SCAPER: variants seen among roughly 807,000 people sequenced by gnomAD.
The protein encoded by SCAPER is S-phase cyclin A associated protein in the ER, also known as S phase cyclin A-associated protein in the endoplasmic reticulum.
SCAPER carries 98 observed loss-of-function variants against 182.2 expected under a neutral mutation model. That is an observed-to-expected ratio of 0.54 (90% CI 0.46 to 0.64). The LOEUF (loss-of-function observed/expected upper bound fraction) is 0.64. Among genes scored for constraint, SCAPER ranks in the 30% least tolerant of loss-of-function variants. SCAPER has a pLI of 0.00. For synonymous variants in SCAPER, 605 were observed against 564.6 expected (o/e 1.07, Z -1.01); for missense variants, 1,432 against 1,690.0 (o/e 0.85, Z 2.68).
intron 23 of SCAPER, among the ~76,000 whole-genome samples, chr15:76,568,063 A>T (rs906924835): frequency 1.1e-4 from 16 of 151,908 alleles, no homozygotes; most frequent in African/African-American, 3.6e-4. Context: ...AACATTTTTT[A>T]AAAAACAAGG....
At chr15:76,755,024 T>C (rs1453674970) in intron 14 of SCAPER, among the ~76,000 whole-genome samples, 1 of 152,144 alleles carries the variant, frequency 6.6e-6, no homozygotes, top group Non-Finnish European at 1.5e-5. Context: ...GATACCTACA[T>C]TGATGAGAAA....
chr15:76,563,544 A>G (rs1245389399), intron 23 of SCAPER, among the ~76,000 whole-genome samples: 1 of 152,170 alleles, frequency 6.6e-6, no homozygotes, highest in African/African-American at 2.4e-5. Context: ...ATCAACCAAA[A>G]AAAGCCCAGG....
chr15:76,892,694 G>A (rs1006998756), intron 1 of SCAPER, among the ~76,000 whole-genome samples: 2 of 152,222 alleles, frequency 1.3e-5, no homozygotes, highest in African/African-American at 4.8e-5. Flanking sequence ...AGGATGTGGA[G>A]AAATAGGAAT....
intron 8 of SCAPER, among the ~76,000 whole-genome samples, chr15:76,783,265 A>C (rs1283485090): frequency 6.6e-6 from 1 of 152,214 alleles, no homozygotes; most frequent in Non-Finnish European, 1.5e-5. Context: ...CTCTACACAA[A>C]TAAACTAGAA....
intron 26 of SCAPER, among the ~76,000 whole-genome samples, chr15:76,421,427 G>A (rs1245608640): frequency 2.0e-5 from 3 of 152,124 alleles, no homozygotes; most frequent in Non-Finnish European, 4.4e-5. Context: ...TTCTTTTGAG[G>A]AGTGTCTGTT....
At chr15:76,685,559 C>T (rs992823150) in intron 20 of SCAPER, among the ~76,000 whole-genome samples, 5 of 151,906 alleles carry the variant, frequency 3.3e-5, no homozygotes, top group Admixed American at 3.3e-4. Context: ...AATTTAGTAA[C>T]GAATATTCTT....
At chr15:76,835,055 G>A (rs2068812063) in intron 5 of SCAPER, among the ~76,000 whole-genome samples, 1 of 151,964 alleles carries the variant, frequency 6.6e-6, no homozygotes, top group Non-Finnish European at 1.5e-5. Context: ...AAGGCTCCTA[G>A]AACTGATAAA....
chr15:76,843,115 T>C (rs2069644620), intron 4 of SCAPER, among the ~76,000 whole-genome samples: 1 of 152,234 alleles, frequency 6.6e-6, no homozygotes, highest in Non-Finnish European at 1.5e-5. Context: ...ATCCATAAAA[T>C]GTGGTATATA....
chr15:76,581,712 A>G lies in SCAPER; in HGVS notation c.2712-7428T>C, dbSNP rs559200967. Among the ~76,000 whole-genome samples the G allele has an allele frequency of 1.8e-4, 28 of 152,142 alleles. 1 individual carries two copies. Among genetic ancestry groups the G allele is most frequent in the African/African-American group, 6.7e-4 (28 of 41,514 alleles). ...AGCCATTCTTGTGCCTCACCTCCTG[A>G]CTAGCTGGAACTACAGGCTCACACC... is the stretch of plus-strand genomic sequence containing the variant. On this transcript the variant is annotated intron_variant, in intron 22 of 31. Transcript: ENST00000563290.
At chr15:76,839,245 G>C (rs1006832180) in intron 5 of SCAPER, among the ~76,000 whole-genome samples, 2 of 152,144 alleles carry the variant, frequency 1.3e-5, no homozygotes, top group Non-Finnish European at 2.9e-5. Flanking sequence ...TTACATATGA[G>C]ACACAGAACT....
chr15:76,780,076 C>T (rs923338257), intron 8 of SCAPER, among the ~76,000 whole-genome samples: 4 of 152,336 alleles, frequency 2.6e-5, no homozygotes, highest in Admixed American at 6.5e-5. Context: ...GGCTGGGTGC[C>T]GCCTCACCCA....
At chr15:76,697,156 C>T (rs1271743628) in intron 20 of SCAPER, among the ~76,000 whole-genome samples, 1 of 152,028 alleles carries the variant, frequency 6.6e-6, no homozygotes, top group Non-Finnish European at 1.5e-5. Flanking sequence ...TCATAGATGA[C>T]AAGTAATAAC....
At chr15:76,643,705 C>A (rs1246773001) in intron 21 of SCAPER, among the ~76,000 whole-genome samples, 1 of 152,072 alleles carries the variant, frequency 6.6e-6, no homozygotes, top group African/African-American at 2.4e-5. Flanking sequence ...AACAAAAAGT[C>A]ATTCTTTGTT....
At chr15:76,550,586 G>A (rs1008755474) in intron 23 of SCAPER, among the ~76,000 whole-genome samples, 1 of 152,094 alleles carries the variant, frequency 6.6e-6, no homozygotes, top group Non-Finnish European at 1.5e-5. Flanking sequence ...TCTTTATCCA[G>A]TCTATCATTG....
intron 2 of SCAPER, among the ~76,000 whole-genome samples, chr15:76,874,793 T>TA (rs966144104): frequency 6.6e-6 from 1 of 151,782 alleles, no homozygotes; most frequent in African/African-American, 2.4e-5. Flanking sequence ...CTCTCTCTAC[T>TA]AAAAATAAAA....
chr15:76,380,515 G>C (rs576557946), intron 28 of SCAPER: 2 of 152,166 alleles, frequency 1.3e-5, no homozygotes, highest in African/African-American at 4.8e-5. Context: ...TCTCATCTCA[G>C]AATGGCAAAG....
intron 29 of SCAPER, among the ~76,000 whole-genome samples, chr15:76,364,911 C>T (rs2041705971): frequency 6.6e-6 from 1 of 152,082 alleles, no homozygotes; most frequent in South Asian, 2.1e-4. Context: ...TCTCCTACAT[C>T]CTGAGCTCCA....
chr15:76,567,086 A>G (rs1474728287), intron 23 of SCAPER, among the ~76,000 whole-genome samples: 1 of 152,098 alleles, frequency 6.6e-6, no homozygotes, highest in East Asian at 1.9e-4. Context: ...CTATGTGTAT[A>G]TTCCAAAACA....
At chr15:76,372,386 CCCACCATGTCCAAGTCAGGTCTTACATG>C (rs1277528706) in intron 29 of SCAPER, among the ~76,000 whole-genome samples, 6 of 152,146 alleles carry the variant, frequency 3.9e-5, no homozygotes, top group Admixed American at 3.9e-4. Flanking sequence ...TCATCACTTT[CCCACCATGTCCAAGTCAGGTCTTACATG>C]CCATCTCCAA....
Sources: allele counts gnomAD v4.1 joint callset (sites outside exome capture counted in the v4.1 genomes callset), GRCh38; gene constraint gnomAD v4.1.1; transcripts MANE v1.5; gene names NCBI Gene and HGNC (gene_info 2026-07-23, HGNC 2026-07-21).